Variants in ONECUT1 observed in about 807,000 individuals in gnomAD.
ONECUT1 encodes the protein one cut homeobox 1.
ONECUT1 carries 12 observed loss-of-function variants against 25.6 expected under a neutral mutation model. That is an observed-to-expected ratio of 0.47 (90% CI 0.30 to 0.76). The LOEUF (loss-of-function observed/expected upper bound fraction) is 0.76, where lower values mean the gene tolerates loss of function less well. Among genes scored for constraint, ONECUT1 ranks in the 30% least tolerant of loss-of-function variants. ONECUT1 has a pLI of 0.07. For missense variants in ONECUT1, 620 were observed against 651.2 expected (o/e 0.95, Z 0.52); for synonymous variants, 285 against 270.2 (o/e 1.05, Z -0.54).
chr15:52,765,801 G>A (rs1192423379), intron 1 of ONECUT1, among the ~76,000 whole-genome samples: 1 of 152,216 alleles, frequency 6.6e-6, no homozygotes, highest in Non-Finnish European at 1.5e-5. Flanking sequence ...TTTATAAGCT[G>A]TGTCCCCAGT....
chr15:52,787,107 A>T (rs951522302), intron 1 of ONECUT1: 4 of 152,318 alleles, frequency 2.6e-5, no homozygotes, highest in Non-Finnish European at 5.9e-5. Flanking sequence ...GGGTGGAGAT[A>T]TGGTGCCGGT....
At position 52,756,505 on chromosome 15, in the gene ONECUT1, A is replaced by T. The variant is rs867643627; in HGVS notation, c.*1050T>A. On this transcript the variant is annotated 3_prime_UTR_variant, in exon 2 of 2. Coordinates refer to ENST00000305901, the MANE Select transcript of ONECUT1 (RefSeq NM_004498.4). ...AAAAATGGGGTACTACTTTGGAAAG[A>T]TCCTCAGGTTTTCTCAGCTAGGAAC... 2.4e-4 allele frequency among the ~76,000 whole-genome samples: 37 copies of T among 152,196 alleles called. No homozygotes were observed. The highest frequency in any genetic ancestry group is 7.7e-4 in the African/African-American group (32 of 41,452).
chr15:52,789,293 G>A lies in ONECUT1; in HGVS notation c.592C>T (p.Pro198Ser), dbSNP rs778734739. The change falls in exon 1 of 2, where the codon CCC becomes TCC. Residue 198 changes from proline (P) to serine (S), a missense_variant. Physicochemically the swap from Pro to Ser is moderately conservative, Grantham distance 74. Coordinates refer to ENST00000305901, the MANE Select transcript of ONECUT1 (RefSeq NM_004498.4). The surrounding 1 kb of genome is among the most constrained non-coding windows in gnomAD (Gnocchi z 4.1). The part of the protein sequence containing the change: ...GSIHNSQQGL[P>S]HYAHPGAAMP... ...GCGGCCCCCGGGTGGGCATAGTGGG[G>A]GAGCCCTTGCTGGGAGTTGTGGATG... 5.8e-6 allele frequency: 9 copies of A among 1,557,968 alleles called. No individual in the cohort carries two copies. In the Admixed American group the frequency reaches 1.5e-4, roughly 26 times the overall value.
At chr15:52,787,689 C>T (rs73411668) in intron 1 of ONECUT1, 5,846 of 152,008 alleles carry the variant, frequency 0.038, 367 homozygotes, top group African/African-American at 0.13. Flanking sequence ...ACTTGGCAAC[C>T]GCCGGCCGGA....
At chr15:52,782,116 G>A (rs1253684356) in intron 1 of ONECUT1, among the ~76,000 whole-genome samples, 5 of 152,142 alleles carry the variant, frequency 3.3e-5, no homozygotes, top group Middle Eastern at 3.2e-3. Context: ...AACATGTGCC[G>A]TGGTGGTTTG....
In ONECUT1 at chr15:52,789,570, G is replaced by A. The variant is rs767209960; in HGVS notation, c.315C>T (p.Thr105=). ...PGMSMPTTYT[T]LTPLQPLPPI... The stretch of plus-strand genomic sequence containing the variant: ...GAGGCAGCGGCTGCAGAGGGGTCAA[G>A]GTGGTGTAGGTGGTGGGCATGCTCA... Residue 105 remains threonine, a synonymous_variant, in exon 1 of 2, where the codon ACC becomes ACT. Transcript: ENST00000305901. This position sits in a 1 kb window ranked among gnomAD's most constrained non-coding sequence, Gnocchi z 4.1. 1.4e-5 allele frequency: 22 copies of A among 1,584,604 alleles called. No individual in the cohort carries two copies. The highest frequency in any genetic ancestry group is 1.9e-5 in the Non-Finnish European group (22 of 1,163,356).
At chr15:52,774,120 G>GAT (rs1011877275) in intron 1 of ONECUT1, among the ~76,000 whole-genome samples, 4 of 82,882 alleles carry the variant, frequency 4.8e-5, no homozygotes, top group South Asian at 4.9e-4. Context: ...AGATTGGAAG[G>GAT]ATACACACAC....
chr15:52,777,103 C>T (rs572756673), intron 1 of ONECUT1, among the ~76,000 whole-genome samples: 4 of 152,248 alleles, frequency 2.6e-5, no homozygotes, highest in South Asian at 4.2e-4. Flanking sequence ...AATTATTCCT[C>T]TAAGGATCTT....
Position 52,788,649 on chromosome 15 carries a change from G to A in ONECUT1, c.1105+131C>T, listed in dbSNP as rs1596059147. ...CTGTGCTGGCCCTTCCAGGCACAGGGAGTCCCCCTTCTAGGGGTAGGGGCG... is the reference window on the plus strand; with the variant it reads ...CTGTGCTGGCCCTTCCAGGCACAGGAAGTCCCCCTTCTAGGGGTAGGGGCG... On this transcript the variant is annotated intron_variant, in intron 1 of 1. Transcript: ENST00000305901. The surrounding 1 kb of genome is among the most constrained non-coding windows in gnomAD (Gnocchi z 4.3). The A allele has an allele frequency of 3.1e-6, 3 of 969,992 alleles. No homozygotes were observed. The highest frequency in any genetic ancestry group is 4.5e-6 in the Non-Finnish European group (3 of 665,084). 60.1% of individuals were successfully genotyped at this position (969,992 alleles called of 1,614,324 possible). A position where few individuals can be genotyped will look rare whatever the true frequency, so the allele number is the denominator to read the frequency against.
chr15:52,778,962 G>A (rs938273049), intron 1 of ONECUT1, among the ~76,000 whole-genome samples: 4 of 151,384 alleles, frequency 2.6e-5, no homozygotes, highest in African/African-American at 9.7e-5. Flanking sequence ...ATCTTCCTCT[G>A]GGGCACTTTA....
chr15:52,760,645 G>A (rs2083700558), intron 1 of ONECUT1, among the ~76,000 whole-genome samples: 1 of 152,138 alleles, frequency 6.6e-6, no homozygotes, highest in Admixed American at 6.5e-5. Context: ...GCAGCATTGT[G>A]AAGGATTGAT....
At chr15:52,770,959 C>T (rs1450409135) in intron 1 of ONECUT1, among the ~76,000 whole-genome samples, 1 of 152,072 alleles carries the variant, frequency 6.6e-6, no homozygotes, top group Non-Finnish European at 1.5e-5. Flanking sequence ...GAATAAGGAG[C>T]AATAGGCACT....
chr15:52,781,712 G>A (rs1481351464), intron 1 of ONECUT1, among the ~76,000 whole-genome samples: 2 of 152,192 alleles, frequency 1.3e-5, no homozygotes, highest in Admixed American at 6.5e-5. Flanking sequence ...TCACCTGGGA[G>A]TTTATAAAAA....
chr15:52,764,938 C>T (rs1303073836), intron 1 of ONECUT1, among the ~76,000 whole-genome samples: 2 of 152,196 alleles, frequency 1.3e-5, no homozygotes, highest in African/African-American at 4.8e-5. Flanking sequence ...TGCTCCAATG[C>T]CTCTGGGTCA....
At position 52,784,919 on chromosome 15, in the gene ONECUT1, C is replaced by G. The variant is rs2083864265; in HGVS notation, c.1105+3861G>C. 6.6e-6 allele frequency among the ~76,000 whole-genome samples: 1 copy of G among 152,182 alleles called. No individual in the cohort carries two copies. ...CCCCGGGCTCAGAGGCGGACACGGT[C>G]GGTCGCGCCCTGCTGGCCCTTTGTT... On this transcript the variant is annotated intron_variant, in intron 1 of 1. Coordinates refer to ENST00000305901, the MANE Select transcript of ONECUT1 (RefSeq NM_004498.4). The surrounding 1 kb of genome is among the most constrained non-coding windows in gnomAD (Gnocchi z 5.0).
chr15:52,779,624 A>T (rs1481113485), intron 1 of ONECUT1, among the ~76,000 whole-genome samples: 2 of 152,190 alleles, frequency 1.3e-5, no homozygotes, highest in Non-Finnish European at 2.9e-5. Context: ...CCCACCAGGC[A>T]AATACTAGGT....
At chr15:52,787,399 G>C (rs550708752) in intron 1 of ONECUT1, among the ~76,000 whole-genome samples, 4 of 152,182 alleles carry the variant, frequency 2.6e-5, no homozygotes, top group Admixed American at 2.6e-4. Flanking sequence ...GCCACCCCCA[G>C]CTTCTCATTG....
At chr15:52,780,851 G>A (rs2141460819) in intron 1 of ONECUT1, 1 of 1,343,106 alleles carries the variant, frequency 7.4e-7, no homozygotes, top group South Asian at 2.0e-5. Context: ...GAAAACGAAA[G>A]CAGTGATTTC....
At position 52,777,737 on chromosome 15, in the gene ONECUT1, C is replaced by CAAAAA. The variant is rs1555416122; in HGVS notation, c.1105+11038_1105+11042dup. Among the ~76,000 whole-genome samples, 211 of 103,442 alleles carry CAAAAA rather than the reference C, an allele frequency of 2.0e-3. 14 individuals are homozygous for CAAAAA. In the East Asian group the frequency reaches 0.026, roughly 13 times the overall value. 67.9% of individuals were successfully genotyped at this position (103,442 alleles called of 152,430 possible). A position where few individuals can be genotyped will look rare whatever the true frequency, so the allele number is the denominator to read the frequency against. ...ACACACACACACACACACACACACA[C>CAAAAA]AAAAAAACATGTAAAGTTATTTGTT... On this transcript the variant is annotated intron_variant, in intron 1 of 1. Transcript: ENST00000305901.
Sources: allele counts gnomAD v4.1 joint callset (sites outside exome capture counted in the v4.1 genomes callset), GRCh38; gene constraint gnomAD v4.1.1; non-coding constraint Gnocchi (gnomAD v3.1); transcripts MANE v1.5; gene names NCBI Gene and HGNC (gene_info 2026-07-23, HGNC 2026-07-21).